The following BNC2 variants were observed in gnomAD, a reference collection of about 807,000 sequenced individuals.
BNC2 encodes basonuclin zinc finger protein 2.
A neutral mutation model predicts 76.3 loss-of-function variants in BNC2; 20 were observed. That is an observed-to-expected ratio of 0.26 (90% CI 0.18 to 0.38). BNC2 has a LOEUF of 0.38. BNC2 is among the 10% of genes least tolerant of loss of function. The pLI, the probability that BNC2 is intolerant of heterozygous loss-of-function variation, is 1.00. For missense variants in BNC2, 1,382 were observed against 1,399.8 expected, an observed-to-expected ratio of 0.99 and a Z score of 0.20; for synonymous variants, 582 against 514.8, an observed-to-expected ratio of 1.13 and a Z score of -1.77.
At chr9:16,861,054 A>G (rs1169983627) in intron 1 of BNC2, among the ~76,000 whole-genome samples, 1 of 149,828 alleles carries the variant, frequency 6.7e-6, no homozygotes, top group Admixed American at 6.6e-5. Context: ...AAAAAAAGAC[A>G]GCTGCGCACA....
intron 3 of BNC2, among the ~76,000 whole-genome samples, chr9:16,592,514 G>A (rs1479079562): frequency 1.3e-5 from 2 of 152,154 alleles, no homozygotes; most frequent in African/African-American, 2.4e-5. Context: ...GTAGATTAGT[G>A]GCTGCCTTGT....
At chr9:16,740,406 A>G (rs190444405) in intron 1 of BNC2, among the ~76,000 whole-genome samples, 77 of 152,354 alleles carry the variant, frequency 5.1e-4, no homozygotes, top group African/African-American at 1.8e-3. Context: ...GTACATTATT[A>G]GTTCCTAAAC....
At chr9:16,508,029 C>A (rs991507109) in intron 5 of BNC2, among the ~76,000 whole-genome samples, 2 of 152,100 alleles carry the variant, frequency 1.3e-5, no homozygotes, top group African/African-American at 4.8e-5. Flanking sequence ...TTACTAGGCA[C>A]AGAGTATAAG....
chr9:16,769,477 G>GT (rs1285824975), intron 1 of BNC2, among the ~76,000 whole-genome samples: 1 of 152,172 alleles, frequency 6.6e-6, no homozygotes, highest in Non-Finnish European at 1.5e-5. Flanking sequence ...AGTGATGGGG[G>GT]TCACGTGACA....
intron 5 of BNC2, among the ~76,000 whole-genome samples, chr9:16,439,142 G>C (rs1289782642): frequency 6.6e-6 from 1 of 152,164 alleles, no homozygotes; most frequent in Non-Finnish European, 1.5e-5. Flanking sequence ...TGCCATGATT[G>C]TGGGGCCTCC....
At chr9:16,678,794 C>T (rs1281187909) in intron 3 of BNC2, among the ~76,000 whole-genome samples, 3 of 152,080 alleles carry the variant, frequency 2.0e-5, no homozygotes, top group African/African-American at 4.8e-5. Flanking sequence ...CACAAAAACT[C>T]AGAGTTGTCC....
chr9:16,585,107 T>G (rs531770741), intron 3 of BNC2, among the ~76,000 whole-genome samples: 1 of 152,142 alleles, frequency 6.6e-6, no homozygotes, highest in Non-Finnish European at 1.5e-5. Context: ...AATTATTTTA[T>G]AAAAATATCC....
At chr9:16,451,184 T>A (rs1053317928) in intron 5 of BNC2, among the ~76,000 whole-genome samples, 2 of 152,210 alleles carry the variant, frequency 1.3e-5, no homozygotes, top group Admixed American at 1.3e-4. Flanking sequence ...AAACTCATGG[T>A]GCCACCTCAA....
intron 3 of BNC2, among the ~76,000 whole-genome samples, chr9:16,687,841 A>C (rs1823022562): frequency 6.6e-6 from 1 of 152,204 alleles, no homozygotes; most frequent in South Asian, 2.1e-4. Context: ...TAAACAACTA[A>C]AATTACATGC....
At chr9:16,705,318 C>T (rs1245504427) in intron 3 of BNC2, among the ~76,000 whole-genome samples, 1 of 152,198 alleles carries the variant, frequency 6.6e-6, no homozygotes, top group East Asian at 1.9e-4. Flanking sequence ...GCCAAGGAAC[C>T]GCTTTTTTGG....
chr9:16,764,598 T>C (rs950991737), intron 1 of BNC2, among the ~76,000 whole-genome samples: 6 of 152,208 alleles, frequency 3.9e-5, no homozygotes, highest in African/African-American at 1.4e-4. Flanking sequence ...AAGACTCACC[T>C]TAAATGTAAC....
At position 16,569,203 on chromosome 9, in the gene BNC2, C is replaced by G. The variant is rs115324989; in HGVS notation, c.433+13780G>C. On this transcript the variant is annotated intron_variant, in intron 4 of 6. Transcript: ENST00000380672. ...ACAAATCCTCATTACATTACTATAC[C>G]TTATATACATTATGTGAATGGCCCT... 8.4e-3 allele frequency among the ~76,000 whole-genome samples: 1,277 copies of G among 151,692 alleles called. 18 individuals are homozygous for G. The highest frequency in any genetic ancestry group is 0.03 in the African/African-American group (1,223 of 41,378).
At chr9:16,654,621 A>T (rs565618140) in intron 3 of BNC2, among the ~76,000 whole-genome samples, 1 of 151,978 alleles carries the variant, frequency 6.6e-6, no homozygotes, top group Non-Finnish European at 1.5e-5. Context: ...GTGTAGATAT[A>T]CTTCTTCAGT....
At chr9:16,541,614 T>C (rs571435507) in intron 5 of BNC2, among the ~76,000 whole-genome samples, 1 of 152,362 alleles carries the variant, frequency 6.6e-6, no homozygotes, top group Non-Finnish European at 1.5e-5. Context: ...ATTTTGTTGT[T>C]GTTAATTCAA....
rs529329260 is a variant in BNC2, at chr9:16,463,049, T to C, written c.670-25525A>G. 5.4e-4 allele frequency among the ~76,000 whole-genome samples: 82 copies of C among 152,220 alleles called. 2 individuals carry two copies. The South Asian group carries it at 0.016, about 30-fold the overall frequency. On this transcript the variant is annotated intron_variant, in intron 5 of 6. Coordinates refer to ENST00000380672, the MANE Select transcript of BNC2 (RefSeq NM_017637.6). ...CCTCACATTACTCCACTGGCCTCTC[T>C]CTTTCCATTTTTACTACTGAAAGCA...
At chr9:16,540,923 T>C (rs1818300971) in intron 5 of BNC2, among the ~76,000 whole-genome samples, 1 of 152,160 alleles carries the variant, frequency 6.6e-6, no homozygotes, top group African/African-American at 2.4e-5. Flanking sequence ...AAAGATGACA[T>C]GTTTGATTCT....
chr9:16,646,645 G>T (rs530142675), intron 3 of BNC2, among the ~76,000 whole-genome samples: 1 of 152,194 alleles, frequency 6.6e-6, no homozygotes, highest in East Asian at 1.9e-4. Flanking sequence ...AAAATGATAC[G>T]TACTTTGGTT....
chr9:16,617,068 G>C (rs537981267), intron 3 of BNC2, among the ~76,000 whole-genome samples: 23 of 152,260 alleles, frequency 1.5e-4, no homozygotes, highest in African/African-American at 5.5e-4. Context: ...TGGCAATCTG[G>C]AGTAACTATT....
At chr9:16,773,843 CCTTT>C (rs1391600789) in intron 1 of BNC2, among the ~76,000 whole-genome samples, 1 of 152,150 alleles carries the variant, frequency 6.6e-6, no homozygotes, top group Non-Finnish European at 1.5e-5. Flanking sequence ...AACAGTACGT[CCTTT>C]CTATTTGAAT....
Sources: gnomAD v4.1 joint callset for allele counts (sites outside exome capture counted in the v4.1 genomes callset) on GRCh38, gnomAD v4.1.1 for gene constraint, MANE v1.5 for transcripts, NCBI Gene and HGNC (gene_info 2026-07-23, HGNC 2026-07-21) for gene names.